OPHN1: variants seen among roughly 807,000 people sequenced by gnomAD.
OPHN1 encodes the protein oligophrenin-1.
In OPHN1, 11 loss-of-function variants were observed where a neutral mutation model predicts 60.7. That is an observed-to-expected ratio of 0.18 (90% confidence interval 0.11 to 0.30). OPHN1 has a LOEUF of 0.30. Among genes scored for constraint, OPHN1 ranks in the 10% least tolerant of loss-of-function variants. OPHN1 has a pLI of 1.00. For missense variants in OPHN1, 449 were observed against 611.0 expected (o/e 0.73, Z 2.80); for synonymous variants, 226 against 222.6 (o/e 1.02, Z -0.14).
At chrX:68,289,917 G>A (rs1304934886) in intron 3 of OPHN1, among the ~76,000 whole-genome samples, 1 of 111,520 alleles carries the variant, frequency 9.0e-6, no homozygotes. Flanking sequence ...TAGCTAGAGT[G>A]TCACACTATT....
At chrX:68,250,462 G>A in intron 5 of OPHN1, among the ~76,000 whole-genome samples, 1 of 111,291 alleles carries the variant, frequency 9.0e-6, no homozygotes. Context: ...CACAGAACTA[G>A]TAAGTAGCAG....
intron 5 of OPHN1, among the ~76,000 whole-genome samples, chrX:68,266,871 T>C (rs1450915550): frequency 9.0e-6 from 1 of 111,122 alleles, no homozygotes; most frequent in Non-Finnish European, 1.9e-5. Flanking sequence ...AAGCAGGGTT[T>C]GCAATCCTAG....
intron 6 of OPHN1, among the ~76,000 whole-genome samples, chrX:68,217,413 G>A (rs1004614723): frequency 2.7e-5 from 3 of 112,167 alleles, no homozygotes; most frequent in African/African-American, 9.7e-5. Flanking sequence ...AGCTCGAACT[G>A]GGTGGAGCCC....
chrX:68,371,884 A>T (rs2078531064), intron 2 of OPHN1, among the ~76,000 whole-genome samples: 1 of 112,158 alleles, frequency 8.9e-6, no homozygotes, highest in Admixed American at 9.4e-5. Context: ...AGCTGGGACT[A>T]CAGGCATGTG....
At chrX:68,335,412 C>T (rs1264463312) in intron 2 of OPHN1, among the ~76,000 whole-genome samples, 1 of 111,890 alleles carries the variant, frequency 8.9e-6, no homozygotes, top group Non-Finnish European at 1.9e-5. Context: ...ATTCATTCCA[C>T]GTAGAGTGGT....
At chrX:68,069,025 G>A (rs546999730) in intron 20 of OPHN1, among the ~76,000 whole-genome samples, 4 of 111,819 alleles carry the variant, frequency 3.6e-5, no homozygotes, top group Admixed American at 9.5e-5. Flanking sequence ...TAAACTGTAC[G>A]CTTTAAAATG....
chrX:68,413,540 T>G (rs2078779059), intron 2 of OPHN1, among the ~76,000 whole-genome samples: 1 of 111,702 alleles, frequency 9.0e-6, no homozygotes, highest in African/African-American at 3.3e-5. Flanking sequence ...CAGGGCCCTT[T>G]GTTCAACCTC....
At chrX:68,358,736 C>A (rs1569291112) in intron 2 of OPHN1, among the ~76,000 whole-genome samples, 1 of 111,759 alleles carries the variant, frequency 8.9e-6, no homozygotes, top group East Asian at 2.8e-4. Context: ...GACTTCATAC[C>A]ATCAAAACTC....
intron 6 of OPHN1, among the ~76,000 whole-genome samples, chrX:68,218,604 AAG>A (rs2077631416): frequency 9.1e-6 from 1 of 110,147 alleles, no homozygotes; most frequent in African/African-American, 3.3e-5. Flanking sequence ...TACAAGCCAG[AAG>A]AGAGTGGGGG....
At chrX:68,133,275 G>T in intron 15 of OPHN1, 2 of 632,543 alleles carry the variant, frequency 3.2e-6, no homozygotes, top group Non-Finnish European at 5.3e-6. Context: ...TGACAAATCG[G>T]AATAATACGT....
At chrX:68,180,960 AT>A (rs1489923834) in intron 15 of OPHN1, among the ~76,000 whole-genome samples, 20 of 88,066 alleles carry the variant, frequency 2.3e-4, no homozygotes, top group South Asian at 1.5e-3. Context: ...TGAAAAAAAT[AT>A]ATCACAAACT....
Position 68,210,392 on chromosome X carries a change from C to A in OPHN1, c.703-110G>T. On this transcript the variant is annotated intron_variant, in intron 8 of 24. Coordinates refer to ENST00000355520, the MANE Select transcript of OPHN1 (RefSeq NM_002547.3). ...TTTTCCCTGCTTACAGCATGTGCAA[C>A]CACAAAGCAAAAAAAGAAATGGTGA... is the stretch of plus-strand genomic sequence containing the variant. 7 of 764,492 alleles carry A rather than the reference C, an allele frequency of 9.2e-6. No individual in the cohort carries two copies. In the Admixed American group the frequency reaches 1.5e-4, roughly 16 times the overall value. 63.0% of individuals were successfully genotyped at this position (764,492 alleles called of 1,213,427 possible).
At chrX:68,386,370 C>A (rs941579672) in intron 2 of OPHN1, among the ~76,000 whole-genome samples, 1 of 112,007 alleles carries the variant, frequency 8.9e-6, no homozygotes, top group Non-Finnish European at 1.9e-5. Context: ...AAACCCACTA[C>A]TAATCAAAGC....
intron 2 of OPHN1, among the ~76,000 whole-genome samples, chrX:68,342,795 G>T (rs1311477361): frequency 2.7e-5 from 3 of 110,381 alleles, no homozygotes; most frequent in Non-Finnish European, 5.7e-5. Flanking sequence ...TAAAAAATTA[G>T]CCAGGTGCAG....
chrX:68,201,796 T>C, intron 10 of OPHN1, 86 bp from the exon 11 acceptor site: 1 of 767,303 alleles, frequency 1.3e-6, no homozygotes, highest in South Asian at 2.1e-5. Context: ...CAGTGTCACT[T>C]GGAAGGCGTC....
chrX:68,302,996 T>G (rs1332102573), intron 2 of OPHN1, among the ~76,000 whole-genome samples: 2 of 106,217 alleles, frequency 1.9e-5, no homozygotes, highest in African/African-American at 6.9e-5. Context: ...TACCTAGGAA[T>G]AAATTTGACC....
chrX:68,297,571 A>G (rs2078101629), intron 3 of OPHN1, among the ~76,000 whole-genome samples: 1 of 112,325 alleles, frequency 8.9e-6, no homozygotes, highest in African/African-American at 3.2e-5. Context: ...TATTACTTAT[A>G]ATAGTGAAAA....
intron 2 of OPHN1, among the ~76,000 whole-genome samples, chrX:68,377,778 G>A (rs1015631536): frequency 2.7e-5 from 3 of 111,419 alleles, no homozygotes; most frequent in Non-Finnish European, 3.8e-5. Flanking sequence ...TTTTATGGCT[G>A]CATAGTATTC....
chrX:68,320,358 T>A lies in OPHN1; in HGVS notation c.155-21262A>T, dbSNP rs12859669. On this transcript the variant is annotated intron_variant, in intron 2 of 24. Coordinates refer to ENST00000355520, the MANE Select transcript of OPHN1 (RefSeq NM_002547.3). ...AGTAAGCCTCCGTCTCAAAAAAATA[T>A]ATATAAATACAAAGAGATATTGAGA... 4.7e-3 allele frequency among the ~76,000 whole-genome samples: 524 copies of A among 110,802 alleles called. 17 individuals are homozygous for A. The East Asian group carries it at 0.1, about 22-fold the overall frequency.
Sources: gnomAD v4.1 joint callset for allele counts (sites outside exome capture counted in the v4.1 genomes callset) on GRCh38, gnomAD v4.1.1 for gene constraint, MANE v1.5 for transcripts, NCBI Gene and HGNC (gene_info 2026-07-23, HGNC 2026-07-21) for gene names.